SLC44A1: variants seen among roughly 807,000 people sequenced by gnomAD.
SLC44A1 encodes the protein choline transporter-like protein 1.
In SLC44A1, 26 loss-of-function variants were observed where a neutral mutation model predicts 79.3. The ratio of observed to expected loss-of-function variants is 0.33; its 90% CI spans 0.24 to 0.46. The LOEUF (loss-of-function observed/expected upper bound fraction) is 0.46. Ranked by LOEUF, SLC44A1 falls within the 20% of genes least tolerant of loss-of-function variation. SLC44A1 has a pLI of 1.00. For synonymous variants in SLC44A1, 263 were observed against 286.2 expected, an observed-to-expected ratio of 0.92 and a Z score of 0.82; for missense variants, 688 against 798.1, an observed-to-expected ratio of 0.86 and a Z score of 1.66.
At chr9:105,277,203 T>A (rs551486292) in intron 1 of SLC44A1, among the ~76,000 whole-genome samples, 1 of 152,324 alleles carries the variant, frequency 6.6e-6, no homozygotes, top group Admixed American at 6.5e-5. Flanking sequence ...TTTACTGAAG[T>A]AGGGAAGGCT....
chr9:105,431,004 T>G (rs1377993083), intron 15 of SLC44A1, among the ~76,000 whole-genome samples: 1 of 152,216 alleles, frequency 6.6e-6, no homozygotes, highest in Non-Finnish European at 1.5e-5. Context: ...TTGTTTTGCA[T>G]TTTCCTTATG....
At chr9:105,312,339 C>T (rs1831203520) in intron 3 of SLC44A1, among the ~76,000 whole-genome samples, 2 of 152,134 alleles carry the variant, frequency 1.3e-5, no homozygotes, top group Admixed American at 1.3e-4. Context: ...CAAAAGTACT[C>T]TCATTATATC....
At chr9:105,360,416 A>G (rs1588830662) in intron 7 of SLC44A1, among the ~76,000 whole-genome samples, 1 of 152,146 alleles carries the variant, frequency 6.6e-6, no homozygotes, top group Non-Finnish European at 1.5e-5. Context: ...CTATTATTAT[A>G]TAAGTTCCAT....
At chr9:105,327,370 C>T (rs959902037) in intron 3 of SLC44A1, among the ~76,000 whole-genome samples, 1 of 152,164 alleles carries the variant, frequency 6.6e-6, no homozygotes, top group Non-Finnish European at 1.5e-5. Flanking sequence ...GCAACCTCCA[C>T]TTCCCAGGTT....
chr9:105,281,411 A>T (rs1830348015), intron 1 of SLC44A1, among the ~76,000 whole-genome samples: 1 of 152,032 alleles, frequency 6.6e-6, no homozygotes, highest in Non-Finnish European at 1.5e-5. Flanking sequence ...ATATTATTTA[A>T]TTATTGCCTA....
chr9:105,258,485 CAG>C (rs757787569), intron 1 of SLC44A1, among the ~76,000 whole-genome samples: 66 of 152,120 alleles, frequency 4.3e-4, no homozygotes, highest in Non-Finnish European at 9.6e-4. Context: ...GAGGAGGAAA[CAG>C]AAACTCAGAA....
Position 105,285,929 on chromosome 9 carries a change from C to T in SLC44A1, c.37-13291C>T, listed in dbSNP as rs188346900. ...CCATCTGGCCAACATGATGAAACCC[C>T]GTCTCTATTAAAAATACAAAAATTA... is the stretch of plus-strand genomic sequence containing the variant. On this transcript the variant is annotated intron_variant, in intron 1 of 15. Transcript: ENST00000374720. 2.1e-3 allele frequency among the ~76,000 whole-genome samples: 320 copies of T among 152,192 alleles called. 2 individuals carry two copies. Among genetic ancestry groups the T allele is most frequent in the East Asian group, 8.5e-3 (44 of 5,166 alleles).
intron 15 of SLC44A1, among the ~76,000 whole-genome samples, chr9:105,435,169 A>C (rs950613897): frequency 2.6e-5 from 4 of 152,084 alleles, no homozygotes; most frequent in Non-Finnish European, 4.4e-5. Flanking sequence ...AAAACAAAAA[A>C]AAAAAAGGAG....
At chr9:105,283,690 A>C (rs1830410892) in intron 1 of SLC44A1, among the ~76,000 whole-genome samples, 1 of 152,228 alleles carries the variant, frequency 6.6e-6, no homozygotes, top group Non-Finnish European at 1.5e-5. Flanking sequence ...ATAGAAAAGT[A>C]GTATGGTTAT....
intron 5 of SLC44A1, among the ~76,000 whole-genome samples, chr9:105,351,596 G>GAGAGAAAGAGAGAAAGAGAAAGAA (rs1554797147): frequency 6.2e-5 from 7 of 113,452 alleles, no homozygotes; most frequent in African/African-American, 2.7e-4. Context: ...AAGAGAGAAA[G>GAGAGAAAGAGAGAAAGAGAAAGAA]AGAAAGAAAG....
chr9:105,297,102 G>A (rs1830744236), intron 1 of SLC44A1, among the ~76,000 whole-genome samples: 1 of 152,092 alleles, frequency 6.6e-6, no homozygotes, highest in Admixed American at 6.5e-5. Context: ...TTAGGGTAAG[G>A]TTTTTTTCCA....
intron 1 of SLC44A1, among the ~76,000 whole-genome samples, chr9:105,278,329 A>C (rs1025433375): frequency 6.6e-6 from 1 of 151,956 alleles, no homozygotes; most frequent in Admixed American, 6.6e-5. Context: ...GCTCACTGCA[A>C]ACTCCGCCTC....
In SLC44A1 at chr9:105,304,944, G is replaced by GTTTTTTTTTGTTTTT. The variant is rs1554790127; in HGVS notation, c.127-4771_127-4770insGTTTTTTTTTTTTTT. On this transcript the variant is annotated intron_variant, in intron 2 of 15. Transcript: ENST00000374720. Reference sequence around the variant, plus strand: ...GTAGTTATTCCCTAGACTTTCTATCGTTTTTTTTTTTTTTTTTTTTTTTTT... The same window carrying GTTTTTTTTTGTTTTT: ...GTAGTTATTCCCTAGACTTTCTATCGTTTTTTTTTGTTTTTTTTTTTTTTTTTTTTTTTTTTTTTT... Among the ~76,000 whole-genome samples, 15 of 20,086 alleles carry GTTTTTTTTTGTTTTT rather than the reference G, an allele frequency of 7.5e-4. 5 individuals are homozygous for GTTTTTTTTTGTTTTT. Among genetic ancestry groups the GTTTTTTTTTGTTTTT allele is most frequent in the East Asian group, 5.9e-3 (3 of 512 alleles). The allele number at this position is 20,086 out of a possible 152,430, so 13.2% of individuals were successfully genotyped here.
chr9:105,268,174 A>G (rs185433179), intron 1 of SLC44A1, among the ~76,000 whole-genome samples: 295 of 152,260 alleles, frequency 1.9e-3, no homozygotes, highest in Non-Finnish European at 3.6e-3. Context: ...CTCTCATGCA[A>G]CCCAATGAAT....
chr9:105,337,835 T>C (rs1157274754), intron 4 of SLC44A1, among the ~76,000 whole-genome samples: 1 of 152,196 alleles, frequency 6.6e-6, no homozygotes, highest in Non-Finnish European at 1.5e-5. Flanking sequence ...CCCCTGCTGG[T>C]ATGCTTTGTT....
At chr9:105,367,729 T>C (rs1353955016) in intron 12 of SLC44A1, among the ~76,000 whole-genome samples, 1 of 152,186 alleles carries the variant, frequency 6.6e-6, no homozygotes, top group East Asian at 1.9e-4. Context: ...TTAATGATTC[T>C]GCCTGAGCGT....
intron 12 of SLC44A1, among the ~76,000 whole-genome samples, chr9:105,371,814 G>C (rs1259936778): frequency 6.8e-6 from 1 of 146,394 alleles, no homozygotes; most frequent in African/African-American, 2.8e-5. Context: ...TTGTTAACTG[G>C]GTGTTTTGTG....
At chr9:105,371,062 T>TCAGTG in intron 12 of SLC44A1, among the ~76,000 whole-genome samples, 1 of 152,360 alleles carries the variant, frequency 6.6e-6, no homozygotes, top group Non-Finnish European at 1.5e-5. Flanking sequence ...ATATCCCAGA[T>TCAGTG]CACTGAAGAC....
chr9:105,287,700 T>C (rs1341081399), intron 1 of SLC44A1, among the ~76,000 whole-genome samples: 1 of 152,176 alleles, frequency 6.6e-6, no homozygotes, highest in Non-Finnish European at 1.5e-5. Flanking sequence ...GATCATCTAC[T>C]GTTTAGAAGA....
Sources: gnomAD v4.1 joint callset for allele counts (sites outside exome capture counted in the v4.1 genomes callset) on GRCh38, gnomAD v4.1.1 for gene constraint, MANE v1.5 for transcripts, NCBI Gene and HGNC (gene_info 2026-07-23, HGNC 2026-07-21) for gene names.